Variants in SYT16 observed in about 807,000 individuals in gnomAD.
SYT16 encodes synaptotagmin-16.
Under a neutral mutation model 61.4 loss-of-function variants are expected in SYT16, and 42 were observed. That is an observed-to-expected ratio of 0.68 (90% CI 0.53 to 0.89). The LOEUF (loss-of-function observed/expected upper bound fraction) is 0.89. Among genes scored for constraint, SYT16 ranks in the 40% least tolerant of loss-of-function variants. The pLI, the probability that SYT16 is intolerant of heterozygous loss-of-function variation, is 0.00. For missense variants in SYT16, 804 were observed against 807.3 expected (o/e 1.00, Z 0.05); for synonymous variants, 314 against 302.3 (o/e 1.04, Z -0.40).
chr14:62,036,082 G>A (rs1339952054), intron 3 of SYT16, among the ~76,000 whole-genome samples: 2 of 152,130 alleles, frequency 1.3e-5, no homozygotes, highest in East Asian at 3.9e-4. Flanking sequence ...GATTATTTTG[G>A]TAAGTGCTTC....
intron 3 of SYT16, among the ~76,000 whole-genome samples, chr14:62,061,263 TTAA>T (rs1377340179): frequency 6.6e-6 from 1 of 152,054 alleles, no homozygotes; most frequent in Non-Finnish European, 1.5e-5. Context: ...GCCAAAGAAC[TTAA>T]TAGACAAATT....
intron 1 of SYT16, among the ~76,000 whole-genome samples, chr14:61,937,204 A>T (rs1041804177): frequency 2.0e-5 from 3 of 152,244 alleles, no homozygotes; most frequent in Non-Finnish European, 4.4e-5. Context: ...GCAGTAGTTC[A>T]TCATGATTTT....
intron 1 of SYT16, among the ~76,000 whole-genome samples, chr14:61,919,963 C>A (rs1281926554): frequency 7.2e-6 from 1 of 138,050 alleles, no homozygotes; most frequent in Non-Finnish European, 1.6e-5. Flanking sequence ...TTATCACACT[C>A]TGTTTTTCTT....
At chr14:61,845,038 A>C (rs954194982) in intron 1 of SYT16, among the ~76,000 whole-genome samples, 1 of 121,550 alleles carries the variant, frequency 8.2e-6, no homozygotes, top group Admixed American at 8.0e-5. Context: ...TTACTAGAAG[A>C]CTTTTTTTTT....
chr14:62,017,880 A>AT (rs2053754523), intron 3 of SYT16, among the ~76,000 whole-genome samples: 1 of 151,824 alleles, frequency 6.6e-6, no homozygotes, highest in African/African-American at 2.4e-5. Flanking sequence ...CACCTGGCTA[A>AT]TTTTTTTCAT....
chr14:61,863,037 G>T (rs746123171), intron 1 of SYT16, among the ~76,000 whole-genome samples: 8 of 152,172 alleles, frequency 5.3e-5, no homozygotes, highest in Non-Finnish European at 1.2e-4. Context: ...GGACATCTTG[G>T]TTGCTTCCAA....
chr14:61,928,935 T>TGCATA (rs2049648692), intron 1 of SYT16, among the ~76,000 whole-genome samples: 1 of 152,230 alleles, frequency 6.6e-6, no homozygotes, highest in Admixed American at 6.5e-5. Context: ...ACTTCTTGTG[T>TGCATA]GCATAGTCAT....
intron 1 of SYT16, among the ~76,000 whole-genome samples, chr14:61,867,669 C>G (rs1486035952): frequency 1.3e-5 from 2 of 152,122 alleles, no homozygotes; most frequent in Non-Finnish European, 2.9e-5. Context: ...CTATTTACAT[C>G]AGCATAAGAA....
intron 1 of SYT16, among the ~76,000 whole-genome samples, chr14:61,952,950 C>CT (rs2050730222): frequency 1.3e-5 from 2 of 152,222 alleles, no homozygotes; most frequent in East Asian, 3.9e-4. Context: ...AGAAAAATGA[C>CT]TGAGTATCTA....
chr14:61,904,187 C>T (rs2048620220), intron 1 of SYT16, among the ~76,000 whole-genome samples: 1 of 152,218 alleles, frequency 6.6e-6, no homozygotes. Flanking sequence ...TCTCCCCATT[C>T]TGTGGAGTTT....
At chr14:61,901,904 G>A (rs550991471) in intron 1 of SYT16, among the ~76,000 whole-genome samples, 5 of 152,026 alleles carry the variant, frequency 3.3e-5, no homozygotes, top group African/African-American at 1.2e-4. Context: ...TGGGATTACA[G>A]GCACACTCCA....
chr14:61,893,521 C>G (rs2048212716), intron 1 of SYT16, among the ~76,000 whole-genome samples: 1 of 152,200 alleles, frequency 6.6e-6, no homozygotes, highest in Non-Finnish European at 1.5e-5. Context: ...GTTTCCTCCT[C>G]TCATATACTG....
intron 3 of SYT16, among the ~76,000 whole-genome samples, chr14:62,043,796 A>G (rs559764564): frequency 6.6e-6 from 1 of 152,214 alleles, no homozygotes; most frequent in Admixed American, 6.5e-5. Flanking sequence ...GATTAATTAT[A>G]TTTAAGAGAC....
At chr14:62,062,744 A>G (rs564823338) in intron 3 of SYT16, among the ~76,000 whole-genome samples, 26 of 151,804 alleles carry the variant, frequency 1.7e-4, no homozygotes, top group African/African-American at 6.3e-4. Flanking sequence ...TTTGCTGTGG[A>G]TATTGGAGAA....
In SYT16 at chr14:61,864,870, C is replaced by T. The variant is rs1020094508; in HGVS notation, c.-325+52060C>T. The T allele has an allele frequency of 5.6e-5, 66 of 1,182,512 alleles. No homozygotes were observed. The East Asian group carries it at 1.4e-3, about 26-fold the overall frequency. The allele number at this position is 1,182,512 out of a possible 1,614,324, so 73.3% of individuals were successfully genotyped here. A position where few individuals can be genotyped will look rare whatever the true frequency, so the allele number is the denominator to read the frequency against. On this transcript the variant is annotated intron_variant, in intron 1 of 7. Coordinates refer to ENST00000683842, the MANE Select transcript of SYT16 (RefSeq NM_001367656.1). ...CGCTGCATATTCTCCCAGCCACCCCCGGCGGAGACAGTGACCAACTGCGCG... is the reference window on the plus strand; with the variant it reads ...CGCTGCATATTCTCCCAGCCACCCCTGGCGGAGACAGTGACCAACTGCGCG...
intron 1 of SYT16, among the ~76,000 whole-genome samples, chr14:61,871,200 T>C (rs955355898): frequency 2.6e-5 from 4 of 152,342 alleles, no homozygotes; most frequent in Admixed American, 2.0e-4. Context: ...TTCCACTTTA[T>C]ACTCTATATA....
chr14:62,045,835 C>T (rs1181734430), intron 3 of SYT16, among the ~76,000 whole-genome samples: 1 of 152,076 alleles, frequency 6.6e-6, no homozygotes, highest in Non-Finnish European at 1.5e-5. Context: ...GCTACATTTT[C>T]TTAATCCAGT....
At chr14:61,892,745 G>A (rs1330851471) in intron 1 of SYT16, among the ~76,000 whole-genome samples, 2 of 152,184 alleles carry the variant, frequency 1.3e-5, no homozygotes, top group African/African-American at 2.4e-5. Flanking sequence ...ACATCAGAGT[G>A]CTGGAGAAGG....
chr14:61,905,264 T>A (rs1198845074), intron 1 of SYT16, among the ~76,000 whole-genome samples: 1 of 151,902 alleles, frequency 6.6e-6, no homozygotes, highest in African/African-American at 2.4e-5. Context: ...ACTTAAGCTT[T>A]TATCAAGTAT....
Sources: gnomAD v4.1 joint callset for allele counts (sites outside exome capture counted in the v4.1 genomes callset) on GRCh38, gnomAD v4.1.1 for gene constraint, MANE v1.5 for transcripts, NCBI Gene and HGNC (gene_info 2026-07-23, HGNC 2026-07-21) for gene names.